Variants in SUN2 observed in about 807,000 individuals in gnomAD.
SUN2 encodes the protein Sad1 and UNC84 domain containing 2.
Under a neutral mutation model 100.0 loss-of-function variants are expected in SUN2, and 60 were observed. The ratio of observed to expected loss-of-function variants is 0.60; its 90% CI spans 0.49 to 0.74. SUN2 has a LOEUF of 0.74. Ranked by LOEUF, SUN2 falls within the 30% of genes least tolerant of loss-of-function variation. The probability of loss-of-function intolerance (pLI) is 0.00; values close to 1 mark genes in which losing one functional copy is unlikely to be tolerated. For synonymous variants in SUN2, 367 were observed against 403.3 expected, an observed-to-expected ratio of 0.91 and a Z score of 1.08; for missense variants, 834 against 954.6, an observed-to-expected ratio of 0.87 and a Z score of 1.66.
At chr22:38,747,943 A>G (rs899418650) in intron 7 of SUN2, among the ~76,000 whole-genome samples, 1 of 152,188 alleles carries the variant, frequency 6.6e-6, no homozygotes, top group African/African-American at 2.4e-5. Flanking sequence ...ACTTTGTCTC[A>G]AAACAAACAA....
chr22:38,739,160 G>A lies in SUN2; in HGVS notation c.1664-172C>T. The A allele has an allele frequency of 2.2e-6, 2 of 889,240 alleles. No individual in the cohort carries two copies. Among genetic ancestry groups the A allele is most frequent in the Non-Finnish European group, 3.6e-6 (2 of 560,044 alleles). 55.1% of individuals were successfully genotyped at this position (889,240 alleles called of 1,614,324 possible). A position where few individuals can be genotyped will look rare whatever the true frequency, so the allele number is the denominator to read the frequency against. ...GGTCAGCCTCTCCCTGGCCCAGGAT[G>A]GTACTCGGTACGTCCTGACTTCCCT... On this transcript the variant is annotated intron_variant, in intron 14 of 17. Transcript: ENST00000689035. The surrounding 1 kb of genome is among the most constrained non-coding windows in gnomAD (Gnocchi z 6.7).
rs1569297238 is a variant in SUN2, at chr22:38,740,979, GC to G, written c.1190+27del. Reference sequence around the variant, plus strand: ...AGTGGGTGGGGCTGGGGAGGAGCAGGCCGAGGCCAGCTGGTGGCGCCCAGTA... The same window carrying G: ...AGTGGGTGGGGCTGGGGAGGAGCAGGCGAGGCCAGCTGGTGGCGCCCAGTA... On this transcript the variant is annotated intron_variant, in intron 11 of 17. Coordinates refer to ENST00000689035, the MANE Select transcript of SUN2 (RefSeq NM_015374.3). The surrounding 1 kb of genome is among the most constrained non-coding windows in gnomAD (Gnocchi z 4.8). 1 of 1,578,140 alleles carries G rather than the reference GC, an allele frequency of 6.3e-7. No individual in the cohort carries two copies. Among genetic ancestry groups the G allele is most frequent in the East Asian group, 2.3e-5 (1 of 43,096 alleles).
chr22:38,739,001 A>G lies in SUN2; in HGVS notation c.1664-13T>C, dbSNP rs1197110815. 18 of 1,601,576 alleles carry G rather than the reference A, an allele frequency of 1.1e-5. No homozygotes were observed. The highest frequency in any genetic ancestry group is 1.5e-5 in the Non-Finnish European group (18 of 1,174,450). ...ATGACGCTGGCCCCTGAGACAGGAG[A>G]GGAAGGCAGGGTGGGCTCCCGCACG... is the stretch of plus-strand genomic sequence containing the variant. On this transcript the variant is annotated splice_polypyrimidine_tract_variant and intron_variant, in intron 14 of 17. Coordinates refer to ENST00000689035, the MANE Select transcript of SUN2 (RefSeq NM_015374.3). The surrounding 1 kb of genome is among the most constrained non-coding windows in gnomAD (Gnocchi z 6.7).
chr22:38,749,481 G>A (rs2092926963), intron 6 of SUN2, among the ~76,000 whole-genome samples: 1 of 152,224 alleles, frequency 6.6e-6, no homozygotes, highest in Non-Finnish European at 1.5e-5. Context: ...GCCAGGCACG[G>A]CTAGACTAGT....
intron 7 of SUN2, among the ~76,000 whole-genome samples, chr22:38,746,389 C>T (rs2092903593): frequency 6.6e-6 from 1 of 152,156 alleles, no homozygotes; most frequent in Non-Finnish European, 1.5e-5. Flanking sequence ...ATTCTGTTTT[C>T]AGGGCCATCT....
At position 38,748,718 on chromosome 22, in the gene SUN2, G is replaced by C; in HGVS notation, c.680C>G (p.Thr227Arg). 1 of 1,614,194 alleles carries C rather than the reference G, an allele frequency of 6.2e-7. No individual in the cohort carries two copies. Among genetic ancestry groups the C allele is most frequent in the South Asian group, 1.1e-5 (1 of 91,092 alleles). Residue 227 changes from threonine to arginine, a missense_variant, in exon 7 of 18, where the codon ACG becomes AGG. Coordinates refer to ENST00000689035, the MANE Select transcript of SUN2 (RefSeq NM_015374.3). ...LLPLLLLTCLTYGAWYFYPYG... is the reference protein window; with the variant it reads ...LLPLLLLTCLRYGAWYFYPYG... ...CTCTCCCCATGCAGGCTCACCATAC[G>C]TCAGGCACGTCAGCAAGAGCAGCGG...
At chr22:38,741,746 C>T (rs933820172) in intron 9 of SUN2, among the ~76,000 whole-genome samples, 175 bp from the exon 10 acceptor site, 1 of 152,226 alleles carries the variant, frequency 6.6e-6, no homozygotes. Flanking sequence ...CACACCTCTG[C>T]GGTGTCAGGT....
intron 7 of SUN2, among the ~76,000 whole-genome samples, chr22:38,747,751 TG>T (rs1461115432): frequency 6.6e-6 from 1 of 151,420 alleles, no homozygotes; most frequent in East Asian, 2.0e-4. Context: ...GAGACCAGCC[TG>T]GCCAACATGG....
At position 38,740,000 on chromosome 22, in the gene SUN2, C is replaced by T; in HGVS notation, c.1357-57G>A. The T allele has an allele frequency of 6.4e-7, 1 of 1,568,002 alleles. No individual in the cohort carries two copies. Among genetic ancestry groups the T allele is most frequent in the Non-Finnish European group, 8.7e-7 (1 of 1,153,952 alleles). ...GGGCTTGCAGGGACAGCAGGAGCTG[C>T]TATGACAGGGCTAGTGCTTAGCTGG... On this transcript the variant is annotated intron_variant, in intron 12 of 17. Transcript: ENST00000689035. This position sits in a 1 kb window ranked among gnomAD's most constrained non-coding sequence, Gnocchi z 6.7.
chr22:38,752,818 G>C (rs1279412446), intron 1 of SUN2, among the ~76,000 whole-genome samples, 153 bp from the exon 2 acceptor site: 4 of 151,960 alleles, frequency 2.6e-5, no homozygotes, highest in Non-Finnish European at 5.9e-5. Context: ...CAGCCCTGAT[G>C]GGGGGCAAGG....
At chr22:38,751,732 G>A (rs1047666718) in intron 2 of SUN2, among the ~76,000 whole-genome samples, 1 of 152,236 alleles carries the variant, frequency 6.6e-6, no homozygotes, top group Non-Finnish European at 1.5e-5. Flanking sequence ...CCAGGCAGCT[G>A]CTGCCACAGC....
intron 7 of SUN2, among the ~76,000 whole-genome samples, chr22:38,748,183 G>A (rs891052031): frequency 1.3e-5 from 2 of 152,044 alleles, no homozygotes; most frequent in Non-Finnish European, 2.9e-5. Context: ...GCATGTTGGC[G>A]CATGCCTGTA....
chr22:38,742,619 C>A, intron 8 of SUN2, 64 bp from the exon 9 acceptor site: 4 of 1,532,920 alleles, frequency 2.6e-6, no homozygotes, highest in Non-Finnish European at 2.6e-6. Context: ...TCCCAAAGAC[C>A]ACCCCGACAC....
At chr22:38,745,544 C>A in intron 8 of SUN2, 140 bp downstream of exon 8, 3 of 1,132,352 alleles carry the variant, frequency 2.6e-6, no homozygotes, top group Non-Finnish European at 3.8e-6. Flanking sequence ...TTTCTGTTTT[C>A]TGTGCCTTGT....
At chr22:38,752,884 G>C (rs1448379984) in intron 1 of SUN2, among the ~76,000 whole-genome samples, 13 of 152,198 alleles carry the variant, frequency 8.5e-5, no homozygotes, top group Non-Finnish European at 5.9e-5. Flanking sequence ...CGCCCGGCCT[G>C]GGGCTCACTT....
chr22:38,744,261 C>CAAAAAA (rs35027225), intron 8 of SUN2, among the ~76,000 whole-genome samples: 2 of 60,722 alleles, frequency 3.3e-5, no homozygotes, highest in Non-Finnish European at 6.4e-5. Flanking sequence ...GACTCTGTCT[C>CAAAAAA]AAAAAAAAAA....
intron 6 of SUN2, chr22:38,749,047 A>T: frequency 2.3e-6 from 1 of 443,300 alleles, no homozygotes; most frequent in Non-Finnish European, 4.1e-6. Context: ...AAAAACTCAA[A>T]AATTTTTATA....
At chr22:38,742,168 A>T in intron 9 of SUN2, 133 bp downstream of exon 9, 3 of 1,161,800 alleles carry the variant, frequency 2.6e-6, no homozygotes, top group Non-Finnish European at 3.6e-6. Flanking sequence ...AAAGAAAAAA[A>T]GAGAAAGGGA....
Position 38,741,045 on chromosome 22 carries a change from G to A in SUN2, c.1152C>T (p.Ser384=), listed in dbSNP as rs373906710. ...FKKIVRASQE[S]EARIQQLKSE... The stretch of plus-strand genomic sequence containing the variant: ...ACTTCAGCTGCTGGATGCGAGCCTC[G>A]GACTCCTGTGTAGGAAGAAGGGACA... Residue 384 remains serine (S), a synonymous_variant, in exon 11 of 18, where the codon TCC becomes TCT. Coordinates refer to ENST00000689035, the MANE Select transcript of SUN2 (RefSeq NM_015374.3). 85 of 1,596,944 alleles carry A rather than the reference G, an allele frequency of 5.3e-5. No individual in the cohort carries two copies. The highest frequency in any genetic ancestry group is 3.3e-4 in the Middle Eastern group (2 of 6,034).
Sources: gnomAD v4.1 joint callset for allele counts (sites outside exome capture counted in the v4.1 genomes callset) on GRCh38, gnomAD v4.1.1 for gene constraint, Gnocchi (gnomAD v3.1) non-coding constraint, MANE v1.5 for transcripts, NCBI Gene and HGNC (gene_info 2026-07-23, HGNC 2026-07-21) for gene names.